The following MAST4 variants were observed in gnomAD, a reference collection of about 807,000 sequenced individuals.
MAST4 encodes the protein microtubule-associated serine/threonine-protein kinase 4.
Under a neutral mutation model 162.7 loss-of-function variants are expected in MAST4, and 89 were observed. The ratio of observed to expected loss-of-function variants is 0.55; its 90% CI spans 0.46 to 0.65. The LOEUF (loss-of-function observed/expected upper bound fraction) is 0.65. Ranked by LOEUF, MAST4 falls within the 30% of genes least tolerant of loss-of-function variation. MAST4 has a pLI of 0.00. For synonymous variants in MAST4, 1,479 were observed against 1,361.1 expected (o/e 1.09, Z -1.91); for missense variants, 3,153 against 3,374.0 (o/e 0.93, Z 1.62).
chr5:66,706,290 C>CTG (rs1349699241), intron 1 of MAST4, among the ~76,000 whole-genome samples: 3 of 152,130 alleles, frequency 2.0e-5, no homozygotes. Context: ...TTGATGATGG[C>CTG]TGTAATCCAC....
At chr5:66,994,397 G>A (rs530527639) in intron 4 of MAST4, among the ~76,000 whole-genome samples, 14 of 151,754 alleles carry the variant, frequency 9.2e-5, no homozygotes, top group African/African-American at 2.7e-4. Flanking sequence ...TTTCTCCTTC[G>A]TATATTAGCA....
At chr5:67,042,122 A>T (rs1169743236) in intron 4 of MAST4, among the ~76,000 whole-genome samples, 1 of 152,176 alleles carries the variant, frequency 6.6e-6, no homozygotes, top group Admixed American at 6.5e-5. Flanking sequence ...TTCACATAAG[A>T]AGTAGTCAAG....
intron 4 of MAST4, chr5:66,964,038 A>G (rs554392222): frequency 1.5e-6 from 1 of 648,116 alleles, no homozygotes; most frequent in Non-Finnish European, 2.9e-6. Context: ...TTGCTTTCTT[A>G]GGGAATGATC....
chr5:67,055,799 A>G (rs1758733204), intron 5 of MAST4, among the ~76,000 whole-genome samples: 1 of 152,126 alleles, frequency 6.6e-6, no homozygotes. Context: ...CTAACGATCT[A>G]TCACTTGGAA....
Position 66,820,579 on chromosome 5 carries a change from A to T in MAST4, c.642+31785A>T, listed in dbSNP as rs529805836. ...CTATTTCCAATTGTCAGATCTTCAT[A>T]AACACTCTCATATGAAAAAAATGAA... On this transcript the variant is annotated intron_variant, in intron 3 of 28. Coordinates refer to ENST00000403625, the MANE Select transcript of MAST4 (RefSeq NM_001164664.2). Among the ~76,000 whole-genome samples the T allele has an allele frequency of 3.9e-5, 6 of 152,354 alleles. No individual in the cohort carries two copies. In the East Asian group the frequency reaches 1.2e-3, roughly 29 times the overall value.
chr5:66,865,592 A>C (rs1760453706), intron 3 of MAST4, among the ~76,000 whole-genome samples: 1 of 152,204 alleles, frequency 6.6e-6, no homozygotes, highest in African/African-American at 2.4e-5. Context: ...AGTATATGTA[A>C]TAGTACTTGT....
At chr5:66,824,871 T>C (rs1182769009) in intron 3 of MAST4, among the ~76,000 whole-genome samples, 1 of 152,160 alleles carries the variant, frequency 6.6e-6, no homozygotes, top group Non-Finnish European at 1.5e-5. Flanking sequence ...AAATACAATA[T>C]AAAAGATATT....
At chr5:67,098,946 A>G (rs1764731740) in intron 7 of MAST4, among the ~76,000 whole-genome samples, 1 of 152,202 alleles carries the variant, frequency 6.6e-6, no homozygotes, top group Admixed American at 6.5e-5. Context: ...TAAATATTTT[A>G]AACAGCTTCC....
At chr5:67,110,840 A>G (rs1054177328) in intron 11 of MAST4, among the ~76,000 whole-genome samples, 3 of 152,176 alleles carry the variant, frequency 2.0e-5, no homozygotes, top group East Asian at 1.9e-4. Flanking sequence ...CCTGGCCAAC[A>G]TGGTGACACT....
chr5:66,832,647 G>T (rs1469265955), intron 3 of MAST4, among the ~76,000 whole-genome samples: 2 of 152,030 alleles, frequency 1.3e-5, no homozygotes, highest in African/African-American at 4.8e-5. Context: ...TGTTTCTTCT[G>T]TCTCAACCTT....
Position 67,165,839 on chromosome 5 carries a change from G to T in MAST4, c.6660G>T (p.Gly2220=), listed in dbSNP as rs1203891814. The T allele has an allele frequency of 1.2e-6, 2 of 1,613,040 alleles. No individual in the cohort carries two copies. Among genetic ancestry groups the T allele is most frequent in the South Asian group, 2.2e-5 (2 of 91,064 alleles). The change falls in exon 29 of 29, where the codon GGG becomes GGT. Residue 2220 remains glycine (G), a synonymous_variant. Coordinates refer to ENST00000403625, the MANE Select transcript of MAST4 (RefSeq NM_001164664.2). ...RSLSSQKPSV[G]ATKGKEPATQ... ...TCTCCTCTCAGAAACCAAGTGTCGG[G>T]GCCACAAAGGGCAAAGAGCCTGCCA...
chr5:66,627,723 TAA>T (rs11292285), intron 1 of MAST4, among the ~76,000 whole-genome samples: 13 of 148,164 alleles, frequency 8.8e-5, no homozygotes, highest in African/African-American at 3.0e-4. Flanking sequence ...GTTTATCTGT[TAA>T]AAAAAAAAAG....
At position 66,615,767 on chromosome 5, in the gene MAST4, C is replaced by T. The variant is rs115749987; in HGVS notation, c.363+18749C>T. 3.4e-3 allele frequency among the ~76,000 whole-genome samples: 521 copies of T among 152,180 alleles called. 3 individuals are homozygous for T. Among genetic ancestry groups the T allele is most frequent in the African/African-American group, 0.012 (497 of 41,536 alleles). On this transcript the variant is annotated intron_variant, in intron 1 of 28. Coordinates refer to ENST00000403625, the MANE Select transcript of MAST4 (RefSeq NM_001164664.2). Reference sequence around the variant, plus strand: ...AGGCTGCAGTGGGCTGTGATAGCACCACTGCACTGCAATCTGGGCAACAGA... The same window carrying T: ...AGGCTGCAGTGGGCTGTGATAGCACTACTGCACTGCAATCTGGGCAACAGA...
At chr5:67,032,867 AG>A (rs1326872590) in intron 4 of MAST4, among the ~76,000 whole-genome samples, 2 of 152,172 alleles carry the variant, frequency 1.3e-5, no homozygotes, top group African/African-American at 4.8e-5. Flanking sequence ...CTAGTAGCTC[AG>A]ACCTATTGCC....
intron 14 of MAST4, among the ~76,000 whole-genome samples, chr5:67,129,181 G>A (rs1019897619): frequency 1.3e-5 from 2 of 152,140 alleles, no homozygotes; most frequent in Admixed American, 1.3e-4. Context: ...CAGCTCCATC[G>A]TTGGCCCGCT....
intron 1 of MAST4, among the ~76,000 whole-genome samples, chr5:66,733,023 G>A (rs1751947554): frequency 6.6e-6 from 1 of 152,130 alleles, no homozygotes; most frequent in South Asian, 2.1e-4. Context: ...TCCCTTCATT[G>A]TGTTTGTTTT....
At chr5:66,631,482 G>A (rs1371977840) in intron 1 of MAST4, among the ~76,000 whole-genome samples, 3 of 152,090 alleles carry the variant, frequency 2.0e-5, no homozygotes, top group Non-Finnish European at 4.4e-5. Flanking sequence ...TACACACGAA[G>A]GAAAGGAGCC....
At chr5:67,135,765 C>G (rs1027301701) in intron 18 of MAST4, among the ~76,000 whole-genome samples, 3 of 152,188 alleles carry the variant, frequency 2.0e-5, no homozygotes, top group Admixed American at 6.5e-5. Flanking sequence ...GTTCTTGATG[C>G]CTTACGGCTC....
At chr5:66,804,406 G>T (rs915503302) in intron 3 of MAST4, among the ~76,000 whole-genome samples, 1 of 152,200 alleles carries the variant, frequency 6.6e-6, no homozygotes, top group Admixed American at 6.5e-5. Context: ...CAGACTGCAG[G>T]TCCGATGTCT....
Sources: gnomAD v4.1 joint callset for allele counts (sites outside exome capture counted in the v4.1 genomes callset) on GRCh38, gnomAD v4.1.1 for gene constraint, MANE v1.5 for transcripts, NCBI Gene and HGNC (gene_info 2026-07-23, HGNC 2026-07-21) for gene names.